Variants in ENOX1 observed in about 807,000 individuals in gnomAD.
ENOX1 encodes the protein candidate growth-related and time keeping constitutive hydroquinone (NADH) oxidase.
Under a neutral mutation model 82.5 loss-of-function variants are expected in ENOX1, and 42 were observed. The ratio of observed to expected loss-of-function variants is 0.51; its 90% CI spans 0.40 to 0.66. The LOEUF (loss-of-function observed/expected upper bound fraction) is 0.66. ENOX1 is among the 30% of genes least tolerant of loss of function. ENOX1 has a pLI of 0.00. For synonymous variants in ENOX1, 271 were observed against 282.2 expected, an observed-to-expected ratio of 0.96 and a Z score of 0.40; for missense variants, 608 against 811.6, an observed-to-expected ratio of 0.75 and a Z score of 3.05.
At chr13:43,248,943 T>A (rs1189759880) in intron 14 of ENOX1, among the ~76,000 whole-genome samples, 1 of 152,176 alleles carries the variant, frequency 6.6e-6, no homozygotes, top group African/African-American at 2.4e-5. Flanking sequence ...CCAAGTAGAA[T>A]ATTCTACATA....
At position 43,213,835 on chromosome 13, in the gene ENOX1, C is replaced by T; in HGVS notation, c.*155G>A. On this transcript the variant is annotated 3_prime_UTR_variant, in exon 17 of 17. Coordinates refer to ENST00000690772, the MANE Select transcript of ENOX1 (RefSeq NM_001347969.2). ...AAACTGGTACACAATTACATTTCCA[C>T]TTACAAGAGAACGCCACAGATATAA... 2 of 687,964 alleles carry T rather than the reference C, an allele frequency of 2.9e-6. No homozygotes were observed. Among genetic ancestry groups the T allele is most frequent in the Non-Finnish European group, 4.6e-6 (2 of 438,334 alleles). 42.6% of individuals were successfully genotyped at this position (687,964 alleles called of 1,614,324 possible).
At chr13:43,707,047 G>T (rs527507803) in intron 1 of ENOX1, among the ~76,000 whole-genome samples, 1 of 152,110 alleles carries the variant, frequency 6.6e-6, no homozygotes, top group Admixed American at 6.5e-5. Context: ...TACTGGAACT[G>T]AAAAATTCCT....
intron 1 of ENOX1, among the ~76,000 whole-genome samples, chr13:43,756,972 C>CAAAAAAAAA (rs1164153402): frequency 7.1e-5 from 2 of 28,056 alleles, no homozygotes; most frequent in Non-Finnish European, 1.6e-4. Flanking sequence ...AAAACAACAA[C>CAAAAAAAAA]AAAAAAAAAA....
intron 2 of ENOX1, among the ~76,000 whole-genome samples, chr13:43,578,023 T>G (rs911607865): frequency 1.1e-4 from 16 of 152,200 alleles, no homozygotes; most frequent in Admixed American, 1.0e-3. Context: ...CTTGATCAAC[T>G]CTATGGGCAA....
intron 9 of ENOX1, among the ~76,000 whole-genome samples, chr13:43,340,430 T>A (rs1430092626): frequency 6.6e-6 from 1 of 152,222 alleles, no homozygotes; most frequent in Non-Finnish European, 1.5e-5. Flanking sequence ...TTTCACAATC[T>A]CGGTTGATAT....
intron 2 of ENOX1, among the ~76,000 whole-genome samples, chr13:43,614,433 G>T (rs2082321566): frequency 6.6e-6 from 1 of 151,636 alleles, no homozygotes; most frequent in Admixed American, 6.6e-5. Context: ...TAAGCTCTTA[G>T]ATTCCTGCAA....
chr13:43,418,836 T>C (rs563451785), intron 3 of ENOX1, among the ~76,000 whole-genome samples: 5 of 152,362 alleles, frequency 3.3e-5, no homozygotes, highest in Admixed American at 3.3e-4. Flanking sequence ...ACAAAATATA[T>C]TTATGTTCAG....
At chr13:43,491,156 C>G (rs781517525) in intron 2 of ENOX1, among the ~76,000 whole-genome samples, 3 of 152,134 alleles carry the variant, frequency 2.0e-5, no homozygotes, top group Non-Finnish European at 4.4e-5. Flanking sequence ...CACATGATGA[C>G]AGCAGGGGCA....
At chr13:43,687,575 C>A (rs1337899090) in intron 1 of ENOX1, among the ~76,000 whole-genome samples, 1 of 152,106 alleles carries the variant, frequency 6.6e-6, no homozygotes, top group East Asian at 1.9e-4. Flanking sequence ...CAATTAAAAT[C>A]CTTACTCTAA....
At chr13:43,623,665 C>T (rs897761061) in intron 2 of ENOX1, among the ~76,000 whole-genome samples, 8 of 152,040 alleles carry the variant, frequency 5.3e-5, no homozygotes, top group South Asian at 2.1e-4. Flanking sequence ...CTCTTGCGGT[C>T]GATCTGGAGC....
intron 2 of ENOX1, among the ~76,000 whole-genome samples, chr13:43,564,093 T>C (rs2079811512): frequency 1.3e-5 from 2 of 152,080 alleles, no homozygotes; most frequent in Non-Finnish European, 2.9e-5. Context: ...CCAATATCCC[T>C]GATGAATATT....
At chr13:43,493,154 C>A (rs575329068) in intron 2 of ENOX1, among the ~76,000 whole-genome samples, 1 of 152,064 alleles carries the variant, frequency 6.6e-6, no homozygotes, top group Non-Finnish European at 1.5e-5. Context: ...CTCTCTCCCC[C>A]CTCCCACTCC....
At chr13:43,516,786 C>T (rs1184957366) in intron 2 of ENOX1, among the ~76,000 whole-genome samples, 3 of 152,098 alleles carry the variant, frequency 2.0e-5, no homozygotes, top group Admixed American at 1.3e-4. Flanking sequence ...GCCTAGAAAG[C>T]CACCAGGGTT....
At chr13:43,683,316 T>TG (rs2085890973) in intron 1 of ENOX1, among the ~76,000 whole-genome samples, 1 of 151,968 alleles carries the variant, frequency 6.6e-6, no homozygotes. Context: ...GGGAAGGAAA[T>TG]GGGGAGCTCA....
intron 1 of ENOX1, among the ~76,000 whole-genome samples, chr13:43,729,163 C>T (rs1207662819): frequency 1.3e-5 from 2 of 152,202 alleles, no homozygotes; most frequent in Non-Finnish European, 2.9e-5. Context: ...CAATGTTCCA[C>T]AATCCAACAT....
chr13:43,684,867 T>C (rs1470793667), intron 1 of ENOX1, among the ~76,000 whole-genome samples: 1 of 152,166 alleles, frequency 6.6e-6, no homozygotes, highest in African/African-American at 2.4e-5. Flanking sequence ...AAAATAGGAA[T>C]GCATATGTTA....
At chr13:43,721,909 A>T (rs967800362) in intron 1 of ENOX1, among the ~76,000 whole-genome samples, 1 of 152,172 alleles carries the variant, frequency 6.6e-6, no homozygotes, top group Admixed American at 6.5e-5. Flanking sequence ...AATGTGGTGT[A>T]TAAGGACGAA....
chr13:43,268,334 T>A (rs1437629647), intron 13 of ENOX1, among the ~76,000 whole-genome samples: 1 of 152,220 alleles, frequency 6.6e-6, no homozygotes, highest in African/African-American at 2.4e-5. Flanking sequence ...TGCAGGTCAT[T>A]GTGAATTCAG....
At chr13:43,278,160 C>G (rs1434849225) in intron 12 of ENOX1, among the ~76,000 whole-genome samples, 1 of 152,174 alleles carries the variant, frequency 6.6e-6, no homozygotes, top group Non-Finnish European at 1.5e-5. Context: ...GTTGCCATTA[C>G]TGTTAAGATT....
Sources: gnomAD v4.1 joint callset for allele counts (sites outside exome capture counted in the v4.1 genomes callset) on GRCh38, gnomAD v4.1.1 for gene constraint, MANE v1.5 for transcripts, NCBI Gene and HGNC (gene_info 2026-07-23, HGNC 2026-07-21) for gene names.